The following PLCXD3 variants were observed in gnomAD, a reference collection of about 807,000 sequenced individuals.
PLCXD3 encodes phosphatidylinositol specific phospholipase C X domain containing 3, also known as PI-PLC X domain-containing protein 3.
PLCXD3 carries 19 observed loss-of-function variants against 25.5 expected under a neutral mutation model. That is an observed-to-expected ratio of 0.75 (90% CI 0.52 to 1.09). The LOEUF is 1.09. PLCXD3 is among the 50% of genes least tolerant of loss of function. The pLI, the probability that PLCXD3 is intolerant of heterozygous loss-of-function variation, is 0.00. For synonymous variants in PLCXD3, 174 were observed against 137.6 expected (o/e 1.26, Z -1.85); for missense variants, 411 against 388.1 (o/e 1.06, Z -0.50).
At chr5:41,360,409 C>T (rs1415486396) in intron 2 of PLCXD3, among the ~76,000 whole-genome samples, 4 of 151,940 alleles carry the variant, frequency 2.6e-5, no homozygotes, top group African/African-American at 7.3e-5. Flanking sequence ...CTGGTGTGAT[C>T]TTTTGGAGGT....
intron 2 of PLCXD3, among the ~76,000 whole-genome samples, chr5:41,377,431 A>G (rs1196027701): frequency 6.6e-6 from 1 of 152,022 alleles, no homozygotes; most frequent in Non-Finnish European, 1.5e-5. Context: ...AAAAATTCTG[A>G]TAGGTAGTAT....
intron 2 of PLCXD3, among the ~76,000 whole-genome samples, chr5:41,325,228 G>T (rs1216528218): frequency 6.6e-6 from 1 of 152,136 alleles, no homozygotes; most frequent in Non-Finnish European, 1.5e-5. Flanking sequence ...ATTCCTCTGA[G>T]TCATGGGAAT....
At position 41,381,826 on chromosome 5, in the gene PLCXD3, C is replaced by A; in HGVS notation, c.812G>T (p.Arg271Ile). The A allele has an allele frequency of 6.2e-7, 1 of 1,601,430 alleles. No individual in the cohort carries two copies. Among genetic ancestry groups the A allele is most frequent in the Non-Finnish European group, 8.5e-7 (1 of 1,174,400 alleles). The change falls in exon 2 of 3, where the codon AGA (arginine) becomes ATA (isoleucine). Residue 271 changes from arginine (R) to isoleucine (I), a missense_variant and splice_region_variant. Transcript: ENST00000377801. The part of the protein sequence containing the change: ...ASGLRETITE[R>I]ALPAMMQWVR... ...CCCCTGACATTTTAAAGACACTTAC[C>A]TTTCTGTGATTGTTTCTCTGAGGCC...
rs77129467 is a variant in PLCXD3 at position 41,458,900 on chromosome 5, C to T, written c.103+51524G>A. On this transcript the variant is annotated intron_variant, in intron 1 of 2. Transcript: ENST00000377801. ...ATATTCTGTAAACATATGCAATCTA[C>T]GCTACATTTTAGCTGTACATTTTTA... is the stretch of plus-strand genomic sequence containing the variant. 1.4e-3 allele frequency among the ~76,000 whole-genome samples: 216 copies of T among 152,000 alleles called. 3 individuals carry two copies. In the East Asian group the frequency reaches 0.02, roughly 14 times the overall value.
chr5:41,400,607 G>A (rs1457153955), intron 1 of PLCXD3, among the ~76,000 whole-genome samples: 1 of 151,978 alleles, frequency 6.6e-6, no homozygotes, highest in Non-Finnish European at 1.5e-5. Flanking sequence ...AACACTGCAT[G>A]TTCTTACTTG....
intron 1 of PLCXD3, among the ~76,000 whole-genome samples, chr5:41,431,294 T>C (rs1452283238): frequency 1.3e-5 from 2 of 152,240 alleles, no homozygotes; most frequent in African/African-American, 4.8e-5. Context: ...AATGAGACTT[T>C]GCTTTTAATT....
intron 1 of PLCXD3, among the ~76,000 whole-genome samples, chr5:41,440,017 T>C (rs1747342120): frequency 6.6e-6 from 1 of 151,962 alleles, no homozygotes; most frequent in Non-Finnish European, 1.5e-5. Flanking sequence ...GTTGGGACAA[T>C]GATAGAAGAG....
intron 1 of PLCXD3, among the ~76,000 whole-genome samples, chr5:41,404,995 C>T (rs1257688433): frequency 1.3e-5 from 2 of 152,184 alleles, no homozygotes; most frequent in African/African-American, 4.8e-5. Context: ...TTTGACAACA[C>T]TATGTGTTAG....
At chr5:41,503,007 C>G (rs566205949) in intron 1 of PLCXD3, among the ~76,000 whole-genome samples, 2 of 152,234 alleles carry the variant, frequency 1.3e-5, no homozygotes, top group South Asian at 4.1e-4. Flanking sequence ...AGGGCCAGGA[C>G]GGGTCACATA....
Position 41,403,509 on chromosome 5 carries a change from G to A in PLCXD3, c.104-20975C>T, listed in dbSNP as rs548973555. ...ATGCTGGTGCGCTGCACCCACTAAT[G>A]TGTCATCTAGCATTAGGTATATCTC... On this transcript the variant is annotated intron_variant, in intron 1 of 2. Coordinates refer to ENST00000377801, the MANE Select transcript of PLCXD3 (RefSeq NM_001005473.3). Among the ~76,000 whole-genome samples, 22 of 77,058 alleles carry A rather than the reference G, an allele frequency of 2.9e-4. No homozygotes were observed. In the East Asian group the frequency reaches 5.4e-3, roughly 19 times the overall value. The allele number at this position is 77,058 out of a possible 152,430, so 50.6% of individuals were successfully genotyped here. A position where few individuals can be genotyped will look rare whatever the true frequency, so the allele number is the denominator to read the frequency against.
chr5:41,391,477 C>T (rs573393691), intron 1 of PLCXD3, among the ~76,000 whole-genome samples: 12 of 152,142 alleles, frequency 7.9e-5, no homozygotes, highest in African/African-American at 1.2e-4. Context: ...AACCTGCTGC[C>T]TTGAAGAAAG....
intron 2 of PLCXD3, among the ~76,000 whole-genome samples, chr5:41,358,144 G>T (rs73075992): frequency 0.037 from 5,557 of 152,190 alleles, 342 homozygotes; most frequent in African/African-American, 0.13. Flanking sequence ...TATGCTTCAC[G>T]GTAGTCTTGA....
In PLCXD3 at chr5:41,347,725, A is replaced by G. The variant is rs930724325; in HGVS notation, c.813-33955T>C. On this transcript the variant is annotated intron_variant, in intron 2 of 2. Transcript: ENST00000377801. Reference sequence around the variant, plus strand: ...TCTAACACCTTTGTCCTGAGTTATAATTGTCTCAGTCTTTCCCTACTCTTA... The same window carrying G: ...TCTAACACCTTTGTCCTGAGTTATAGTTGTCTCAGTCTTTCCCTACTCTTA... Among the ~76,000 whole-genome samples, 4 of 152,170 alleles carry G rather than the reference A, an allele frequency of 2.6e-5. No individual in the cohort carries two copies. The East Asian group carries it at 5.8e-4, about 22-fold the overall frequency.
chr5:41,354,274 T>C (rs189500778), intron 2 of PLCXD3, among the ~76,000 whole-genome samples: 3 of 152,330 alleles, frequency 2.0e-5, no homozygotes, highest in Admixed American at 6.5e-5. Context: ...AGCAGACTTA[T>C]GATCAGCAGG....
rs1744622879 is a variant in PLCXD3 at position 41,356,570 on chromosome 5, TCAA to T, written c.812+25253_812+25255del. On this transcript the variant is annotated intron_variant, in intron 2 of 2. Coordinates refer to ENST00000377801, the MANE Select transcript of PLCXD3 (RefSeq NM_001005473.3). Reference sequence around the variant, plus strand: ...GTTAAGCCTCTTATTATTGGGGATATCAACAATTCCCAAAATATGTGGATCCCT... The same window carrying T: ...GTTAAGCCTCTTATTATTGGGGATATCAATTCCCAAAATATGTGGATCCCT... Among the ~76,000 whole-genome samples the T allele has an allele frequency of 3.3e-5, 5 of 152,260 alleles. No homozygotes were observed. In the South Asian group the frequency reaches 1.0e-3, roughly 32 times the overall value.
At chr5:41,350,099 C>T (rs756386304) in intron 2 of PLCXD3, among the ~76,000 whole-genome samples, 1 of 151,958 alleles carries the variant, frequency 6.6e-6, no homozygotes, top group Non-Finnish European at 1.5e-5. Context: ...TTCACTGTCT[C>T]CTGCATCACA....
At chr5:41,337,153 C>A (rs1744006081) in intron 2 of PLCXD3, among the ~76,000 whole-genome samples, 1 of 152,092 alleles carries the variant, frequency 6.6e-6, no homozygotes. Flanking sequence ...TGCATTTATG[C>A]TTAGGCAGTG....
intron 1 of PLCXD3, among the ~76,000 whole-genome samples, chr5:41,392,228 C>A (rs778143259): frequency 2.6e-5 from 4 of 152,140 alleles, no homozygotes; most frequent in Non-Finnish European, 5.9e-5. Flanking sequence ...GTGGTTACAG[C>A]CAGTGCTTTT....
intron 1 of PLCXD3, among the ~76,000 whole-genome samples, chr5:41,407,369 A>T (rs1045658073): frequency 6.6e-6 from 1 of 152,186 alleles, no homozygotes; most frequent in Non-Finnish European, 1.5e-5. Flanking sequence ...TGAATACATG[A>T]TGATCAACAT....
Sources: allele counts gnomAD v4.1 joint callset (sites outside exome capture counted in the v4.1 genomes callset), GRCh38; gene constraint gnomAD v4.1.1; transcripts MANE v1.5; gene names NCBI Gene and HGNC (gene_info 2026-07-23, HGNC 2026-07-21).